COL11A1: variants seen among roughly 807,000 people sequenced by gnomAD.
The protein encoded by COL11A1 is collagen alpha-1(XI) chain.
A neutral mutation model predicts 265.2 loss-of-function variants in COL11A1; 74 were observed. That is an observed-to-expected ratio of 0.28 (90% CI 0.23 to 0.34). COL11A1 has a LOEUF of 0.34. Ranked by LOEUF, COL11A1 falls within the 10% of genes least tolerant of loss-of-function variation. COL11A1 has a pLI of 1.00. For synonymous variants in COL11A1, 816 were observed against 727.6 expected, an observed-to-expected ratio of 1.12 and a Z score of -1.96; for missense variants, 2,165 against 2,263.6, an observed-to-expected ratio of 0.96 and a Z score of 0.88.
chr1:102,996,112 T>C (rs992378895), intron 26 of COL11A1, 70 bp from the exon 27 acceptor site: 13 of 1,468,898 alleles, frequency 8.9e-6, no homozygotes, highest in Admixed American at 6.9e-5. Flanking sequence ...TACTATAATT[T>C]TACCAACTAA....
intron 28 of COL11A1, among the ~76,000 whole-genome samples, chr1:102,995,128 T>A (rs1295297653): frequency 2.0e-5 from 3 of 152,104 alleles, no homozygotes; most frequent in Non-Finnish European, 4.4e-5. Flanking sequence ...GAGATTTGGG[T>A]GGGCATACAG....
chr1:103,063,338 A>G (rs1670821050), intron 4 of COL11A1, among the ~76,000 whole-genome samples: 1 of 152,110 alleles, frequency 6.6e-6, no homozygotes, highest in African/African-American at 2.4e-5. Context: ...ACAATAATGA[A>G]TACAACGTAG....
chr1:102,924,909 C>T (rs953493318), intron 46 of COL11A1, among the ~76,000 whole-genome samples: 4 of 151,826 alleles, frequency 2.6e-5, no homozygotes, highest in Non-Finnish European at 5.9e-5. Flanking sequence ...AGACAAATAG[C>T]AAACATAGTA....
At chr1:102,953,096 G>T (rs1005337850) in intron 41 of COL11A1, among the ~76,000 whole-genome samples, 4 of 152,174 alleles carry the variant, frequency 2.6e-5, no homozygotes, top group African/African-American at 4.8e-5. Context: ...GGCATATATA[G>T]TGAGACATTT....
rs1649557401 is a variant in COL11A1 at position 102,876,844 on chromosome 1, A to T, written c.*1175T>A. The T allele has an allele frequency of 6.6e-6, 1 of 152,222 alleles. No homozygotes were observed. Among genetic ancestry groups the T allele is most frequent in the Admixed American group, 6.6e-5 (1 of 15,238 alleles). The allele number at this position is 152,222 out of a possible 1,614,324, so 9.4% of individuals were successfully genotyped here. ...GAATGACTTAAAACAAATACTCTTA[A>T]TAACAGTCCACCATATGTTATTCAT... On this transcript the variant is annotated 3_prime_UTR_variant, in exon 67 of 67. Transcript: ENST00000370096.
chr1:102,910,873 G>T (rs1177463360), intron 54 of COL11A1, among the ~76,000 whole-genome samples: 10 of 149,464 alleles, frequency 6.7e-5, no homozygotes, highest in Non-Finnish European at 1.2e-4. Context: ...TCTGAGGCCA[G>T]AAAAAAGATA....
chr1:103,003,847 TA>T (rs1665354790), intron 20 of COL11A1, among the ~76,000 whole-genome samples: 2 of 152,134 alleles, frequency 1.3e-5, no homozygotes, highest in Admixed American at 1.3e-4. Context: ...TTTCCTTCTT[TA>T]GAAAAGCCAA....
intron 20 of COL11A1, among the ~76,000 whole-genome samples, chr1:103,003,641 A>G (rs2101838150): frequency 6.6e-6 from 1 of 152,328 alleles, no homozygotes; most frequent in South Asian, 2.1e-4. Flanking sequence ...TAAATAGAAG[A>G]GTCTTGATTC....
chr1:103,080,090 G>C (rs1037024740), intron 2 of COL11A1, among the ~76,000 whole-genome samples: 2 of 151,786 alleles, frequency 1.3e-5, no homozygotes, highest in African/African-American at 4.8e-5. Context: ...AAATATGTAT[G>C]GTATGTAATA....
At chr1:102,911,971 G>A (rs1181290751) in intron 54 of COL11A1, among the ~76,000 whole-genome samples, 188 bp downstream of exon 54, 1 of 152,142 alleles carries the variant, frequency 6.6e-6, no homozygotes, top group Non-Finnish European at 1.5e-5. Context: ...CATTTTTATT[G>A]TGACAGTGAA....
At chr1:102,896,639 T>G (rs1015177651) in intron 57 of COL11A1, among the ~76,000 whole-genome samples, 2 of 152,184 alleles carry the variant, frequency 1.3e-5, no homozygotes, top group African/African-American at 4.8e-5. Flanking sequence ...GATTTGGAAA[T>G]TATTCTGTCC....
At chr1:103,019,554 G>T (rs1666830693) in intron 9 of COL11A1, among the ~76,000 whole-genome samples, 1 of 150,772 alleles carries the variant, frequency 6.6e-6, no homozygotes, top group Non-Finnish European at 1.5e-5. Context: ...TGAGTAGATG[G>T]CCAACAAGGT....
intron 57 of COL11A1, among the ~76,000 whole-genome samples, chr1:102,894,815 A>T (rs1295333440): frequency 6.6e-6 from 1 of 151,844 alleles, no homozygotes; most frequent in Non-Finnish European, 1.5e-5. Flanking sequence ...TCGCTCAGTC[A>T]CCCAGGCTGG....
chr1:102,970,727 A>T (rs534233134), intron 36 of COL11A1, among the ~76,000 whole-genome samples: 1 of 152,254 alleles, frequency 6.6e-6, no homozygotes, highest in African/African-American at 2.4e-5. Context: ...ACAAGAAGGC[A>T]AAAGAAGGCC....
chr1:103,098,801 A>G (rs1673997032), intron 1 of COL11A1, among the ~76,000 whole-genome samples: 1 of 151,880 alleles, frequency 6.6e-6, no homozygotes, highest in Non-Finnish European at 1.5e-5. Flanking sequence ...GAGGGAGACA[A>G]TATCTAAATC....
intron 24 of COL11A1, 135 bp from the exon 25 acceptor site, chr1:102,998,498 T>C (rs940401448): frequency 9.4e-6 from 5 of 530,170 alleles, no homozygotes; most frequent in Admixed American, 7.2e-5. Flanking sequence ...TAAATAACTT[T>C]TAAATATATT....
At chr1:102,980,087 C>T (rs748536068) in intron 31 of COL11A1, among the ~76,000 whole-genome samples, 12 of 152,044 alleles carry the variant, frequency 7.9e-5, no homozygotes, top group Non-Finnish European at 1.8e-4. Context: ...CTAAATGTAT[C>T]AGCTAAGTAA....
chr1:103,049,071 T>C (rs1669561209), intron 4 of COL11A1, among the ~76,000 whole-genome samples: 2 of 152,176 alleles, frequency 1.3e-5, no homozygotes, highest in African/African-American at 4.8e-5. Flanking sequence ...AGAATGTATA[T>C]GCTGTTGATT....
At chr1:103,004,408 G>T (rs1362738315) in intron 20 of COL11A1, 36 bp downstream of exon 20, 3 of 1,542,912 alleles carry the variant, frequency 1.9e-6, no homozygotes, top group South Asian at 2.3e-5. Context: ...CTAAAAACTA[G>T]AAATATTACT....
Sources: gnomAD v4.1 joint callset for allele counts (sites outside exome capture counted in the v4.1 genomes callset) on GRCh38, gnomAD v4.1.1 for gene constraint, MANE v1.5 for transcripts, NCBI Gene and HGNC (gene_info 2026-07-23, HGNC 2026-07-21) for gene names.